Variants in PRDM8 observed in about 807,000 individuals in gnomAD.
PRDM8 encodes the protein PR domain zinc finger protein 8.
A neutral mutation model predicts 46.5 loss-of-function variants in PRDM8; 13 were observed. That is an observed-to-expected ratio of 0.28 (90% CI 0.18 to 0.44). The LOEUF is 0.44. Among genes scored for constraint, PRDM8 ranks in the 20% least tolerant of loss-of-function variants. The probability of loss-of-function intolerance (pLI) is 1.00; values close to 1 mark genes in which losing one functional copy is unlikely to be tolerated. For synonymous variants in PRDM8, 473 were observed against 438.4 expected (o/e 1.08, Z -0.98); for missense variants, 998 against 955.0 (o/e 1.04, Z -0.59).
At chr4:80,195,751 GAA>G (rs1056958259), upstream of PRDM8, among the ~76,000 whole-genome samples, 10 of 152,130 alleles carry the variant, frequency 6.6e-5, no homozygotes, top group African/African-American at 2.4e-4. Context: ...AGCTTTCTTT[GAA>G]AAGTCAGTAG....
At chr4:80,197,793 G>T (rs1241108778) in intron 1 of PRDM8, 30 bp downstream of exon 1, 2 of 984,516 alleles carry the variant, frequency 2.0e-6, no homozygotes, top group Non-Finnish European at 2.4e-6. Flanking sequence ...TGTGGGAGGG[G>T]GATGGGAGGA....
At chr4:80,195,588 G>A (rs1286807836), upstream of PRDM8, among the ~76,000 whole-genome samples, 1 of 151,996 alleles carries the variant, frequency 6.6e-6, no homozygotes, top group Non-Finnish European at 1.5e-5. Context: ...CAATCAGTCA[G>A]AAGACAATTG....
chr4:80,198,613 C>T (rs73829241), intron 1 of PRDM8, among the ~76,000 whole-genome samples: 3,419 of 152,196 alleles, frequency 0.022, 73 homozygotes, highest in East Asian at 0.11. Flanking sequence ...CAGCCCAACA[C>T]TTGACATTTG....
rs749112861 is a variant in PRDM8 at position 80,203,553 on chromosome 4, T to C, written c.*21T>C. The C allele has an allele frequency of 5.0e-6, 8 of 1,587,934 alleles. No individual in the cohort carries two copies. In the African/African-American group the frequency reaches 5.4e-5, roughly 11 times the overall value. ...ATTGACTCGGAAAGGACCCCAGCTT[T>C]CCACGCGCGCGCAAGCACAGTTAAG... On this transcript the variant is annotated 3_prime_UTR_variant, in exon 4 of 4. Transcript: ENST00000415738.
chr4:80,202,211 CCGGCGGCAGCAGCG>C lies in PRDM8; in HGVS notation c.752_765del (p.Gly251GlufsTer32). On this transcript the variant is annotated frameshift_variant, in exon 4 of 4. Transcript: ENST00000415738. LOFTEE classifies it high-confidence loss of function. ...GAAAGCAGCAACCCATCCGCTGCCG[CCGGCGGCAGCAGCG>C]CGAAGCCATCCACAGACTTCCACAA... 1 of 1,612,030 alleles carries C rather than the reference CCGGCGGCAGCAGCG, an allele frequency of 6.2e-7. No individual in the cohort carries two copies. The highest frequency in any genetic ancestry group is 8.5e-7 in the Non-Finnish European group (1 of 1,179,734).
upstream of PRDM8, chr4:80,197,365 G>A (rs1738039643): frequency 1.0e-6 from 1 of 969,968 alleles, no homozygotes; most frequent in Non-Finnish European, 1.2e-6. Flanking sequence ...GGCAGGCCGG[G>A]GGAAAAAGCT....
At chr4:80,191,574 G>A (rs918386992) in intron 2 of PRDM8, 3 of 152,202 alleles carry the variant, frequency 2.0e-5, no homozygotes, top group Admixed American at 1.3e-4. Context: ...CATAATGTAA[G>A]TCCAGAAGTG....
rs1379672825 is a variant in PRDM8, at chr4:80,202,928, G to A, written c.1466G>A (p.Gly489Asp). The A allele has an allele frequency of 1.6e-4, 232 of 1,438,562 alleles. No individual in the cohort carries two copies. The highest frequency in any genetic ancestry group is 2.0e-4 in the Non-Finnish European group (222 of 1,102,382). The allele number at this position is 1,438,562 out of a possible 1,614,324, so 89.1% of individuals were successfully genotyped here. ...GGGGCCGCAGGCGGCGCGGGCGGGG[G>A]CCAGGGCGCCGCGTCGGACGAGCGC... ...GAGAAGGAGG[G>D]QGAASDERKS... Residue 489 changes from glycine (G) to aspartate (D), a missense_variant, in exon 4 of 4, where the codon GGC (glycine) becomes GAC (aspartate). Physicochemically the swap from Gly to Asp is moderately conservative, Grantham distance 94 (BLOSUM62 -1). Coordinates refer to ENST00000415738, the MANE Select transcript of PRDM8 (RefSeq NM_001099403.2).
chr4:80,191,893 A>C (rs1265940690), intron 2 of PRDM8, among the ~76,000 whole-genome samples: 2 of 152,212 alleles, frequency 1.3e-5, no homozygotes, highest in Admixed American at 1.3e-4. Context: ...TGGGAGCATA[A>C]TTTGTGAAGA....
chr4:80,191,459 T>C (rs1380759763), intron 1 of PRDM8: 1 of 101,422 alleles, frequency 9.9e-6, no homozygotes, highest in Non-Finnish European at 1.7e-5. Flanking sequence ...ATACCACGGT[T>C]ACTATATTAC....
chr4:80,202,902 C>G lies in PRDM8; in HGVS notation c.1440C>G (p.Ala480=). ...GSTSGGGGTG[A]GAAGGAGGGQ... is the part of the protein sequence containing the mutation. ...CCAGCGGTGGGGGCGGAACGGGCGC[C>G]GGGGCCGCAGGCGGCGCGGGCGGGG... The change falls in exon 4 of 4, where the codon GCC becomes GCG. Residue 480 remains alanine (A), a synonymous_variant. Coordinates refer to ENST00000415738, the MANE Select transcript of PRDM8 (RefSeq NM_001099403.2). 1 of 1,331,944 alleles carries G rather than the reference C, an allele frequency of 7.5e-7. No homozygotes were observed. The allele number at this position is 1,331,944 out of a possible 1,614,324, so 82.5% of individuals were successfully genotyped here. A position where few individuals can be genotyped will look rare whatever the true frequency, so the allele number is the denominator to read the frequency against.
At chr4:80,188,578 C>T (rs111632112) in intron 1 of PRDM8, among the ~76,000 whole-genome samples, 4 of 152,308 alleles carry the variant, frequency 2.6e-5, no homozygotes, top group South Asian at 2.1e-4. Context: ...TTACAGACCC[C>T]GGGTTCAGAC....
intron 1 of PRDM8, among the ~76,000 whole-genome samples, chr4:80,199,705 A>ATGTGTGTGTGTGTGTGTG (rs1321510964): frequency 1.4e-5 from 1 of 70,056 alleles, no homozygotes; most frequent in African/African-American, 9.6e-5. Flanking sequence ...GTATATATAT[A>ATGTGTGTGTGTGTGTGTG]TATATGTGTG....
In PRDM8 at chr4:80,202,824, T is replaced by A; in HGVS notation, c.1362T>A (p.Pro454=). ...PLPSRLEGGS[P]ARGSAFTSVP... ...CCAGCCGGCTCGAGGGCGGCAGTCC[T>A]GCGAGGGGCAGCGCCTTCACTTCGG... The change falls in exon 4 of 4, where the codon CCT becomes CCA. Residue 454 remains proline (P), a synonymous_variant. Transcript: ENST00000415738. The A allele has an allele frequency of 8.1e-7, 1 of 1,228,356 alleles. No individual in the cohort carries two copies. The highest frequency in any genetic ancestry group is 1.0e-6 in the Non-Finnish European group (1 of 988,984). The allele number at this position is 1,228,356 out of a possible 1,614,324, so 76.1% of individuals were successfully genotyped here.
At chr4:80,198,980 GTTTTTTT>G (rs1413112507) in intron 1 of PRDM8, among the ~76,000 whole-genome samples, 1 of 104,188 alleles carries the variant, frequency 9.6e-6, no homozygotes, top group African/African-American at 3.5e-5. Flanking sequence ...GTTTTTTTGG[GTTTTTTT>G]TTTTTTGTTT....
rs983217484 is a variant in PRDM8, at chr4:80,202,805, G to T, written c.1343G>T (p.Arg448Leu). 1 of 1,227,278 alleles carries T rather than the reference G, an allele frequency of 8.1e-7. No individual in the cohort carries two copies. Among genetic ancestry groups the T allele is most frequent in the Non-Finnish European group, 1.0e-6 (1 of 987,224 alleles). 76.0% of individuals were successfully genotyped at this position (1,227,278 alleles called of 1,614,324 possible). ...CGGCCTGGGGGCCCGCTGCCCAGCCGGCTCGAGGGCGGCAGTCCTGCGAGG... is the reference window on the plus strand; with the variant it reads ...CGGCCTGGGGGCCCGCTGCCCAGCCTGCTCGAGGGCGGCAGTCCTGCGAGG... ...APRPGGPLPS[R>L]LEGGSPARGS... The change falls in exon 4 of 4, where the codon CGG (arginine) becomes CTG (leucine). Residue 448 changes from arginine (R) to leucine (L), a missense_variant. Coordinates refer to ENST00000415738, the MANE Select transcript of PRDM8 (RefSeq NM_001099403.2).
chr4:80,192,653 T>C (rs545261321), upstream of PRDM8, among the ~76,000 whole-genome samples: 9 of 152,300 alleles, frequency 5.9e-5, no homozygotes, highest in South Asian at 8.3e-4. Context: ...ACCTACAGAT[T>C]TGACAAAAAT....
rs1738703576 is a variant in PRDM8, at chr4:80,203,198, C to A, written c.1736C>A (p.Thr579Asn). The change falls in exon 4 of 4, where the codon ACC becomes AAC. Residue 579 changes from threonine (T) to asparagine (N), a missense_variant. Coordinates refer to ENST00000415738, the MANE Select transcript of PRDM8 (RefSeq NM_001099403.2). Reference sequence around the variant, plus strand: ...AAGCAGAGCCCCTTCCTGTACGCCACCGCCTTCTGGCCCAAGAGCTCCGCT... The same window carrying A: ...AAGCAGAGCCCCTTCCTGTACGCCAACGCCTTCTGGCCCAAGAGCTCCGCT... ...LPKQSPFLYA[T>N]AFWPKSSAAA... is the part of the protein sequence containing the mutation. 6.4e-7 allele frequency: 1 copy of A among 1,551,006 alleles called. No individual in the cohort carries two copies. The highest frequency in any genetic ancestry group is 8.7e-7 in the Non-Finnish European group (1 of 1,150,898).
chr4:80,187,580 A>G (rs1257636548), intron 1 of PRDM8, among the ~76,000 whole-genome samples: 1 of 152,154 alleles, frequency 6.6e-6, no homozygotes, highest in Non-Finnish European at 1.5e-5. Flanking sequence ...CCAACCCTAT[A>G]CTGGAGGCCT....
Sources: gnomAD v4.1 joint callset for allele counts (sites outside exome capture counted in the v4.1 genomes callset) on GRCh38, gnomAD v4.1.1 for gene constraint, MANE v1.5 for transcripts, NCBI Gene and HGNC (gene_info 2026-07-23, HGNC 2026-07-21) for gene names.